Variants in PTPN23 observed in about 807,000 individuals in gnomAD.
The protein encoded by PTPN23 is tyrosine-protein phosphatase non-receptor type 23.
PTPN23 carries 72 observed loss-of-function variants against 156.3 expected under a neutral mutation model. That is an observed-to-expected ratio of 0.46 (90% CI 0.38 to 0.56). The LOEUF is 0.56. Among genes scored for constraint, PTPN23 ranks in the 20% least tolerant of loss-of-function variants. The pLI is 0.00. For missense variants in PTPN23, 1,974 were observed against 2,171.5 expected (o/e 0.91, Z 1.81); for synonymous variants, 957 against 899.6 (o/e 1.06, Z -1.14).
intron 1 of PTPN23, among the ~76,000 whole-genome samples, chr3:47,395,110 C>T (rs1417983018): frequency 1.3e-5 from 2 of 152,224 alleles, no homozygotes; most frequent in African/African-American, 4.8e-5. Flanking sequence ...GTCACCCAGG[C>T]TTCCCGGTTC....
Position 47,405,098 on chromosome 3 carries a change from C to T in PTPN23, c.364+17C>T, listed in dbSNP as rs758225129. ...ACAACCTTGGTGAGCTGCCTGATCC[C>T]TTCCCCCGGCCCTACTCCCCAGTCC... On this transcript the variant is annotated intron_variant, in intron 4 of 24. Coordinates refer to ENST00000265562, the MANE Select transcript of PTPN23 (RefSeq NM_015466.4). This position sits in a 1 kb window ranked among gnomAD's most constrained non-coding sequence, Gnocchi z 4.7. 5 of 1,612,682 alleles carry T rather than the reference C, an allele frequency of 3.1e-6. No individual in the cohort carries two copies. The South Asian group carries it at 5.5e-5, about 18-fold the overall frequency.
rs371253002 is a variant in PTPN23 at position 47,412,553 on chromosome 3, G to A, written c.4357G>A (p.Val1453Met). Reference protein sequence around the residue: ...RFCYEAVVRHVEQVLQRHGVP... With the variant: ...RFCYEAVVRHMEQVLQRHGVP... Reference sequence around the variant, plus strand: ...CTGCTATGAGGCAGTGGTGAGACACGTGGAGCAGGTCCTGCAGCGCCATGG... The same window carrying A: ...CTGCTATGAGGCAGTGGTGAGACACATGGAGCAGGTCCTGCAGCGCCATGG... The change falls in exon 24 of 25, where the codon GTG (valine) becomes ATG (methionine). Residue 1453 changes from valine to methionine, a missense_variant. Val to Met is a conservative substitution (Grantham distance 21). Around this residue, in one of 4 missense-constraint regions of PTPN23, gnomAD observed 484 missense variants for 516.0 expected, o/e 0.94. Transcript: ENST00000265562. The A allele has an allele frequency of 9.3e-6, 15 of 1,613,634 alleles. No individual in the cohort carries two copies. Among genetic ancestry groups the A allele is most frequent in the Middle Eastern group, 1.6e-4 (1 of 6,062 alleles).
rs1441387983 is a variant in PTPN23, at chr3:47,409,924, A to C, written c.2130-4A>C. 1.9e-6 allele frequency: 3 copies of C among 1,570,044 alleles called. No individual in the cohort carries two copies. The highest frequency in any genetic ancestry group is 2.4e-5 in the South Asian group (2 of 84,368). On this transcript the variant is annotated splice_region_variant and splice_polypyrimidine_tract_variant and intron_variant, in intron 19 of 24. Transcript: ENST00000265562. The stretch of plus-strand genomic sequence containing the variant: ...GCCCCACTTTTTCCTTGCCTGTCGC[A>C]CAGGGAGCTGAAGAAGAAGCCGCCG...
intron 14 of PTPN23, 80 bp from the exon 15 acceptor site, chr3:47,408,265 G>A (rs937473405): frequency 6.4e-6 from 10 of 1,556,702 alleles, no homozygotes; most frequent in Non-Finnish European, 7.0e-6. Context: ...TGAGTGGTGA[G>A]GCTTGCCCTA....
At chr3:47,396,254 A>G (rs1704877531) in intron 2 of PTPN23, 37 bp downstream of exon 2, 1 of 1,554,442 alleles carries the variant, frequency 6.4e-7, no homozygotes, top group Admixed American at 1.7e-5. Context: ...GCATGGGTAG[A>G]CAGGATTGGT....
chr3:47,401,670 T>C (rs1381787136), intron 2 of PTPN23, among the ~76,000 whole-genome samples: 1 of 152,198 alleles, frequency 6.6e-6, no homozygotes, highest in Non-Finnish European at 1.5e-5. Context: ...AAGTGGTATT[T>C]GGATATGGCA....
chr3:47,408,950 T>C lies in PTPN23; in HGVS notation c.1505T>C (p.Met502Thr). 6.2e-7 allele frequency: 1 copy of C among 1,614,206 alleles called. No individual in the cohort carries two copies. Among genetic ancestry groups the C allele is most frequent in the East Asian group, 2.2e-5 (1 of 44,888 alleles). Residue 502 changes from methionine (M) to threonine (T), a missense_variant, in exon 16 of 25, where the codon ATG becomes ACG. Met to Thr is a moderately conservative substitution (Grantham distance 81). This residue lies in a region of PTPN23 where 726 missense variants were observed against 929.5 expected (regional missense o/e 0.78). Coordinates refer to ENST00000265562, the MANE Select transcript of PTPN23 (RefSeq NM_015466.4). ...GTGAGGCGAGAATGGGCCAAGTACATGGAAGTCCATGAGAAGGCCTCCTTC... is the reference window on the plus strand; with the variant it reads ...GTGAGGCGAGAATGGGCCAAGTACACGGAAGTCCATGAGAAGGCCTCCTTC... ...AEVRREWAKY[M>T]EVHEKASFTN... is the part of the protein sequence containing the mutation.
chr3:47,403,362 C>CT (rs914580109), intron 2 of PTPN23, among the ~76,000 whole-genome samples: 113 of 149,662 alleles, frequency 7.6e-4, no homozygotes, highest in Non-Finnish European at 9.8e-4. Context: ...ACATTCTTTT[C>CT]TTTTTTTTTT....
At chr3:47,381,788 T>C (rs1277073281) in intron 1 of PTPN23, among the ~76,000 whole-genome samples, 1 of 151,894 alleles carries the variant, frequency 6.6e-6, no homozygotes, top group Non-Finnish European at 1.5e-5. Context: ...TTTAGGAGGG[T>C]TACTGCTTTT....
chr3:47,391,733 C>A (rs960204977), intron 1 of PTPN23, among the ~76,000 whole-genome samples: 1 of 152,108 alleles, frequency 6.6e-6, no homozygotes. Flanking sequence ...TTCCTTTGGC[C>A]TCTATCCCAC....
chr3:47,411,627 G>A lies in PTPN23; in HGVS notation c.3829G>A (p.Val1277Ile). Residue 1277 changes from valine (V) to isoleucine (I), a missense_variant, in exon 20 of 25, where the codon GTC (valine) becomes ATC (isoleucine). Physicochemically the swap from Val to Ile is conservative, Grantham distance 29. Coordinates refer to ENST00000265562, the MANE Select transcript of PTPN23 (RefSeq NM_015466.4). This position sits in a 1 kb window ranked among gnomAD's most constrained non-coding sequence, Gnocchi z 6.3. ...CACAGCTGCTGACTTCTGGCTCATG[G>A]TCCATGAGCAGAAAGTGTCAGTCAT... The part of the protein sequence containing the change: ...PGTAADFWLM[V>I]HEQKVSVIVM... 6.2e-7 allele frequency: 1 copy of A among 1,611,270 alleles called. No individual in the cohort carries two copies. Among genetic ancestry groups the A allele is most frequent in the Non-Finnish European group, 8.5e-7 (1 of 1,179,208 alleles).
Position 47,410,337 on chromosome 3 carries a change from C to A in PTPN23, c.2539C>A (p.Pro847Thr). 1 of 1,607,702 alleles carries A rather than the reference C, an allele frequency of 6.2e-7. No homozygotes were observed. The highest frequency in any genetic ancestry group is 8.5e-7 in the Non-Finnish European group (1 of 1,177,170). Reference protein sequence around the residue: ...SSPQHGVVSSPYVGVGPAPPV... With the variant: ...SSPQHGVVSSTYVGVGPAPPV... ...CCCACAGCATGGCGTGGTGAGCAGT[C>A]CCTATGTGGGGGTAGGGCCGGCCCC... The change falls in exon 20 of 25, where the codon CCC (proline) becomes ACC (threonine). Residue 847 changes from proline to threonine, a missense_variant. Transcript: ENST00000265562.
chr3:47,390,332 C>T lies in PTPN23; in HGVS notation c.85-5811C>T, dbSNP rs116925226. On this transcript the variant is annotated intron_variant, in intron 1 of 24. Transcript: ENST00000265562. ...AACTCCTTTCTTTTCTTTTTCCCCT[C>T]GGTGGCTGTGATCCCTGGACGTGCC... Among the ~76,000 whole-genome samples the T allele has an allele frequency of 2.9e-4, 44 of 152,320 alleles. No homozygotes were observed. The East Asian group carries it at 7.9e-3, about 27-fold the overall frequency.
chr3:47,408,638 C>CAT (rs1461595458), intron 15 of PTPN23, 138 bp from the exon 16 acceptor site: 1 of 1,406,016 alleles, frequency 7.1e-7, no homozygotes, highest in African/African-American at 1.4e-5. Context: ...AATCAGCATA[C>CAT]CTCTTGCACC....
chr3:47,407,915 G>A lies in PTPN23; in HGVS notation c.1144G>A (p.Glu382Lys), dbSNP rs763297496. Residue 382 changes from glutamate (E) to lysine (K), a missense_variant, in exon 14 of 25, where the codon GAG becomes AAG. Physicochemically the swap from Glu to Lys is moderately conservative, Grantham distance 56. Around this residue, in one of 4 missense-constraint regions of PTPN23, gnomAD observed 726 missense variants for 929.5 expected, o/e 0.78. Transcript: ENST00000265562. The surrounding 1 kb of genome is among the most constrained non-coding windows in gnomAD (Gnocchi z 4.0). Reference sequence around the variant, plus strand: ...TGAGGAGAAGGCCAAGCTGCTCCGGGAGATGATGGCCAAGATTGAGGACAA... The same window carrying A: ...TGAGGAGAAGGCCAAGCTGCTCCGGAAGATGATGGCCAAGATTGAGGACAA... ...YSEEKAKLLR[E>K]MMAKIEDKNE... The A allele has an allele frequency of 3.1e-6, 5 of 1,614,204 alleles. No homozygotes were observed. The South Asian group carries it at 3.3e-5, about 11-fold the overall frequency.
At chr3:47,403,474 ATAAT>A (rs1705048214) in intron 2 of PTPN23, among the ~76,000 whole-genome samples, 1 of 151,982 alleles carries the variant, frequency 6.6e-6, no homozygotes, top group Admixed American at 6.5e-5. Flanking sequence ...GCGCCTTGAC[ATAAT>A]TAATTTAAAA....
At position 47,405,762 on chromosome 3, in the gene PTPN23, C is replaced by T. The variant is rs1238442861; in HGVS notation, c.378C>T (p.Ser126=). ...CILYNLGALH[S]MLGAMDKRVS... ...CTCCCTCCCCAGGAGCGCTGCACTC[C>T]ATGCTGGGGGCCATGGACAAGCGGG... The change falls in exon 5 of 25, where the codon TCC becomes TCT. Residue 126 remains serine, a synonymous_variant. Coordinates refer to ENST00000265562, the MANE Select transcript of PTPN23 (RefSeq NM_015466.4). The surrounding 1 kb of genome is among the most constrained non-coding windows in gnomAD (Gnocchi z 4.7). The T allele has an allele frequency of 6.3e-7, 1 of 1,597,320 alleles. No homozygotes were observed. Among genetic ancestry groups the T allele is most frequent in the Non-Finnish European group, 8.5e-7 (1 of 1,172,592 alleles).
At chr3:47,399,718 G>A (rs527288170) in intron 2 of PTPN23, among the ~76,000 whole-genome samples, 69 of 152,286 alleles carry the variant, frequency 4.5e-4, no homozygotes, top group African/African-American at 1.6e-3. Context: ...TTTCCAGTGC[G>A]AAAAAAGCTC....
rs1214130835 is a variant in PTPN23, at chr3:47,405,305, A to G, written c.364+224A>G. 2 of 586,022 alleles carry G rather than the reference A, an allele frequency of 3.4e-6. No individual in the cohort carries two copies. Among genetic ancestry groups the G allele is most frequent in the Admixed American group, 3.0e-5 (1 of 33,794 alleles). The allele number at this position is 586,022 out of a possible 1,614,324, so 36.3% of individuals were successfully genotyped here. ...GAGGCTCTACTGGGCTGGCTGCCAC[A>G]CAGAGTTGCCACTGTGTGCTCTGTC... On this transcript the variant is annotated intron_variant, in intron 4 of 24. Coordinates refer to ENST00000265562, the MANE Select transcript of PTPN23 (RefSeq NM_015466.4). The surrounding 1 kb of genome is among the most constrained non-coding windows in gnomAD (Gnocchi z 4.7).
Sources: allele counts gnomAD v4.1 joint callset (sites outside exome capture counted in the v4.1 genomes callset), GRCh38; gene constraint gnomAD v4.1.1; regional missense constraint gnomAD v4.1.1; non-coding constraint Gnocchi (gnomAD v3.1); transcripts MANE v1.5; gene names NCBI Gene and HGNC (gene_info 2026-07-23, HGNC 2026-07-21).